IL1RAPL2: variants seen among roughly 807,000 people sequenced by gnomAD.
The protein encoded by IL1RAPL2 is interleukin 1 receptor accessory protein like 2, also known as X-linked interleukin-1 receptor accessory protein-like 2.
IL1RAPL2 carries 3 observed loss-of-function variants against 44.1 expected under a neutral mutation model. That is an observed-to-expected ratio of 0.07 (90% confidence interval 0.03 to 0.18). The LOEUF (loss-of-function observed/expected upper bound fraction) is 0.18. Ranked by LOEUF, IL1RAPL2 falls within the 10% of genes least tolerant of loss-of-function variation. IL1RAPL2 has a pLI of 1.00. For synonymous variants in IL1RAPL2, 181 were observed against 178.8 expected, an observed-to-expected ratio of 1.01 and a Z score of -0.10; for missense variants, 391 against 496.4, an observed-to-expected ratio of 0.79 and a Z score of 2.02.
chrX:105,559,896 C>T (rs1273100838), intron 6 of IL1RAPL2, among the ~76,000 whole-genome samples: 1 of 111,489 alleles, frequency 9.0e-6, no homozygotes, highest in East Asian at 2.8e-4. Context: ...TTGCTTGTGT[C>T]ATTGTCTTTC....
chrX:104,738,088 C>T (rs1048513107), intron 2 of IL1RAPL2, among the ~76,000 whole-genome samples: 2 of 112,146 alleles, frequency 1.8e-5, no homozygotes, highest in Admixed American at 9.5e-5. Flanking sequence ...TTGAAACTCA[C>T]ACATATATTT....
intron 2 of IL1RAPL2, among the ~76,000 whole-genome samples, chrX:105,103,958 C>A (rs1167003912): frequency 1.8e-5 from 2 of 112,062 alleles, no homozygotes; most frequent in Middle Eastern, 4.6e-3. Context: ...TAAAAGTCTA[C>A]CCTGGTGGCT....
At chrX:105,489,721 CTTCT>C (rs1266297503) in intron 6 of IL1RAPL2, among the ~76,000 whole-genome samples, 3 of 88,975 alleles carry the variant, frequency 3.4e-5, no homozygotes, top group East Asian at 3.4e-4. Context: ...TCCTTCCTTC[CTTCT>C]TTCTTTCTCT....
chrX:104,977,887 A>T lies in IL1RAPL2; in HGVS notation c.83-217588A>T, dbSNP rs189821014. ...GTAGATTATGCAGAAATTTCTATAA[A>T]AGAGGTGATATCTTCCAGCTCATTG... is the stretch of plus-strand genomic sequence containing the variant. On this transcript the variant is annotated intron_variant, in intron 2 of 10. Transcript: ENST00000372582. 6.0e-3 allele frequency among the ~76,000 whole-genome samples: 671 copies of T among 112,274 alleles called. 2 individuals carry two copies. Among genetic ancestry groups the T allele is most frequent in the Middle Eastern group, 0.014 (3 of 219 alleles).
chrX:105,324,469 G>A (rs746485943), intron 5 of IL1RAPL2, among the ~76,000 whole-genome samples: 2 of 111,359 alleles, frequency 1.8e-5, no homozygotes, highest in East Asian at 2.8e-4. Context: ...AGAATCTCTC[G>A]TTCCTCTGAA....
intron 2 of IL1RAPL2, among the ~76,000 whole-genome samples, chrX:104,814,529 A>C (rs1921085142): frequency 2.7e-5 from 3 of 112,198 alleles, no homozygotes; most frequent in African/African-American, 9.7e-5. Flanking sequence ...TGGATATTTG[A>C]CTGATTTAAC....
intron 6 of IL1RAPL2, among the ~76,000 whole-genome samples, chrX:105,554,749 A>T (rs778678480): frequency 2.2e-4 from 25 of 111,435 alleles, no homozygotes; most frequent in Middle Eastern, 4.6e-3. Flanking sequence ...TAAGGTCTAG[A>T]TATATTTAAT....
At chrX:105,690,009 A>G (rs2038021872) in intron 6 of IL1RAPL2, among the ~76,000 whole-genome samples, 1 of 111,073 alleles carries the variant, frequency 9.0e-6, no homozygotes, top group South Asian at 3.8e-4. Flanking sequence ...GTAGGTGGGA[A>G]TTGAACAATG....
chrX:104,888,460 T>A (rs1569334593), intron 2 of IL1RAPL2, among the ~76,000 whole-genome samples: 1 of 111,488 alleles, frequency 9.0e-6, no homozygotes, highest in Non-Finnish European at 1.9e-5. Flanking sequence ...AATTTACTCC[T>A]ACCTTTAATT....
At chrX:104,745,224 T>G (rs1932155933) in intron 2 of IL1RAPL2, among the ~76,000 whole-genome samples, 1 of 110,769 alleles carries the variant, frequency 9.0e-6, no homozygotes. Context: ...GTGAAGAGGT[T>G]TTTTAAAAAG....
At chrX:104,632,269 G>A (rs952344390) in intron 1 of IL1RAPL2, among the ~76,000 whole-genome samples, 49 of 111,570 alleles carry the variant, frequency 4.4e-4, no homozygotes, top group Admixed American at 3.1e-3. Flanking sequence ...TTGAAGTCAG[G>A]TAGCTCGATG....
intron 1 of IL1RAPL2, among the ~76,000 whole-genome samples, chrX:104,631,879 C>A (rs1215258119): frequency 9.1e-6 from 1 of 109,668 alleles, no homozygotes; most frequent in Non-Finnish European, 1.9e-5. Context: ...GCTTTTGTTG[C>A]CATTGCTTTT....
At chrX:104,612,418 G>T (rs1020737211) in intron 1 of IL1RAPL2, among the ~76,000 whole-genome samples, 3 of 111,954 alleles carry the variant, frequency 2.7e-5, no homozygotes, top group Non-Finnish European at 5.6e-5. Context: ...ACTTATCCCA[G>T]CACAATTTAT....
intron 2 of IL1RAPL2, among the ~76,000 whole-genome samples, chrX:104,871,613 G>A (rs1362862178): frequency 9.0e-6 from 1 of 110,769 alleles, no homozygotes; most frequent in Non-Finnish European, 1.9e-5. Context: ...ATACCTTGTA[G>A]TAATGTAATG....
At chrX:105,460,354 C>A (rs2036085174) in intron 5 of IL1RAPL2, among the ~76,000 whole-genome samples, 1 of 110,322 alleles carries the variant, frequency 9.1e-6, no homozygotes, top group African/African-American at 3.3e-5. Flanking sequence ...CTCCTTCCTT[C>A]TTTCCTTCTC....
At chrX:105,416,078 C>T (rs1037734488) in intron 5 of IL1RAPL2, among the ~76,000 whole-genome samples, 1 of 111,542 alleles carries the variant, frequency 9.0e-6, no homozygotes, top group Non-Finnish European at 1.9e-5. Context: ...CAAACTAAAA[C>T]CTTTTGGCTT....
chrX:105,651,747 T>C (rs1218124983), intron 6 of IL1RAPL2, among the ~76,000 whole-genome samples: 1 of 111,885 alleles, frequency 8.9e-6, no homozygotes, highest in Non-Finnish European at 1.9e-5. Flanking sequence ...TTTCCAATAC[T>C]GTATTTTCTC....
At chrX:105,627,941 C>T (rs753468083) in intron 6 of IL1RAPL2, among the ~76,000 whole-genome samples, 1 of 111,663 alleles carries the variant, frequency 9.0e-6, no homozygotes, top group African/African-American at 3.3e-5. Context: ...AGTACAGAAT[C>T]TCTGTGAAAG....
At chrX:105,746,005 C>G (rs58833861) in intron 8 of IL1RAPL2, among the ~76,000 whole-genome samples, 4,794 of 111,709 alleles carry the variant, frequency 0.043, 269 homozygotes, top group African/African-American at 0.15. Context: ...TATATAATCA[C>G]CTTGGGGGTT....
Sources: allele counts gnomAD v4.1 joint callset (sites outside exome capture counted in the v4.1 genomes callset), GRCh38; gene constraint gnomAD v4.1.1; transcripts MANE v1.5; gene names NCBI Gene and HGNC (gene_info 2026-07-23, HGNC 2026-07-21).